Variants in MACF1 observed in about 807,000 individuals in gnomAD.
MACF1 encodes microtubule-actin cross-linking factor 1.
MACF1 carries 193 observed loss-of-function variants against 854.8 expected under a neutral mutation model. The ratio of observed to expected loss-of-function variants is 0.23; its 90% confidence interval spans 0.20 to 0.25. The LOEUF (loss-of-function observed/expected upper bound fraction) is 0.25, where lower values mean the gene tolerates loss of function less well. Among genes scored for constraint, MACF1 ranks in the 10% least tolerant of loss-of-function variants. The pLI, the probability that MACF1 is intolerant of heterozygous loss-of-function variation, is 1.00. For missense variants in MACF1, 7,722 were observed against 8,929.1 expected (o/e 0.86, Z 5.45); for synonymous variants, 3,185 against 3,226.7 (o/e 0.99, Z 0.44).
Position 39,373,757 on chromosome 1 carries a change from G to T in MACF1, c.13213+1161G>T, listed in dbSNP as rs141628139. Among the ~76,000 whole-genome samples the T allele has an allele frequency of 6.6e-3, 1,003 of 151,332 alleles. 26 individuals carry two copies. The Middle Eastern group carries it at 0.069, about 10-fold the overall frequency. On this transcript the variant is annotated intron_variant, in intron 52 of 100. Transcript: ENST00000564288. ...AATCCCAGCTATTTGGGAGTCTGAG[G>T]CAAGAGAATGGCTTGAACCCGGGAG...
chr1:39,187,943 CT>C (rs1644198150), intron 2 of MACF1, among the ~76,000 whole-genome samples: 1 of 125,566 alleles, frequency 8.0e-6, no homozygotes, highest in African/African-American at 2.9e-5. Context: ...TTTCCCTTCC[CT>C]TCCCTTCCCT....
intron 97 of MACF1, among the ~76,000 whole-genome samples, chr1:39,476,834 G>A (rs891017644): frequency 1.3e-5 from 2 of 151,378 alleles, no homozygotes; most frequent in Admixed American, 1.3e-4. Context: ...GATCACGCCT[G>A]TAATCCTAGC....
rs1418126536 is a variant in MACF1 at position 39,444,827 on chromosome 1, G to C, written c.19597G>C (p.Glu6533Gln). 6.2e-7 allele frequency: 1 copy of C among 1,606,112 alleles called. No individual in the cohort carries two copies. Among genetic ancestry groups the C allele is most frequent in the East Asian group, 2.2e-5 (1 of 44,666 alleles). The stretch of plus-strand genomic sequence containing the variant: ...GCATGTGGTCAGCAGTAAGATGGAA[G>C]AAAGAAAGGTACAGTGTATGATCCC... Reference protein sequence around the residue: ...KWHVVSSKMEERKSKLEEALN... With the variant: ...KWHVVSSKMEQRKSKLEEALN... The change falls in exon 80 of 101, where the codon GAA becomes CAA. Residue 6533 changes from glutamate (E) to glutamine (Q), a missense_variant. By Grantham distance (29) the Glu-to-Gln change is conservative. Coordinates refer to ENST00000564288, the MANE Select transcript of MACF1 (RefSeq NM_001394062.1).
At chr1:39,414,033 C>T (rs1643169549) in intron 58 of MACF1, 1 of 1,607,862 alleles carries the variant, frequency 6.2e-7, no homozygotes, top group South Asian at 1.1e-5. Flanking sequence ...AACCCACCTC[C>T]TCAGCAGCTG....
chr1:39,287,474 G>A lies in MACF1; in HGVS notation c.1697G>A (p.Arg566Gln), dbSNP rs374067607. Residue 566 changes from arginine to glutamine, a missense_variant, in exon 15 of 101, where the codon CGG becomes CAG. Transcript: ENST00000564288. Reference sequence around the variant, plus strand: ...TCCTGGTTCCGAAAGCCTATGACTCGGGCTGAACTTGTGGCCATCAGCTCC... The same window carrying A: ...TCCTGGTTCCGAAAGCCTATGACTCAGGCTGAACTTGTGGCCATCAGCTCC... Reference protein sequence around the residue: ...STSWFRKPMTRAELVAISSSE... With the variant: ...STSWFRKPMTQAELVAISSSE... 1.8e-5 allele frequency: 29 copies of A among 1,613,980 alleles called. No homozygotes were observed. The highest frequency in any genetic ancestry group is 2.1e-5 in the Non-Finnish European group (25 of 1,180,036).
intron 70 of MACF1, among the ~76,000 whole-genome samples, chr1:39,437,349 C>T (rs570784688): frequency 4.7e-5 from 7 of 149,066 alleles, no homozygotes; most frequent in East Asian, 2.0e-4. Flanking sequence ...CTTACTCTGT[C>T]GCCCAGGCTG....
rs1466197344 is a variant in MACF1 at position 39,105,888 on chromosome 1, A to G, written c.220+21450A>G. On this transcript the variant is annotated intron_variant, in intron 2 of 93. Coordinates refer to the MACF1 transcript ENST00000361689. The surrounding 1 kb of genome is among the most constrained non-coding windows in gnomAD (Gnocchi z 5.9). ...GGGCCAGTTTATTTACAGAGTTGAGATAAGCCTTCGGAAACCGCCCCCGGG... is the reference window on the plus strand; with the variant it reads ...GGGCCAGTTTATTTACAGAGTTGAGGTAAGCCTTCGGAAACCGCCCCCGGG... 6.6e-6 allele frequency among the ~76,000 whole-genome samples: 1 copy of G among 151,134 alleles called. No individual in the cohort carries two copies. The highest frequency in any genetic ancestry group is 1.5e-5 in the Non-Finnish European group (1 of 67,704).
chr1:39,091,107 A>G (rs1641791349), intron 2 of MACF1, among the ~76,000 whole-genome samples: 1 of 152,186 alleles, frequency 6.6e-6, no homozygotes, highest in Non-Finnish European at 1.5e-5. Context: ...TTGAAGGGTG[A>G]TGATTATGAG....
chr1:39,439,241 T>C, intron 71 of MACF1, 33 bp from the exon 72 acceptor site: 1 of 1,349,356 alleles, frequency 7.4e-7, no homozygotes, highest in Non-Finnish European at 1.1e-6. Flanking sequence ...CTTCAGAAAG[T>C]CCTATTCATA....
Position 39,358,825 on chromosome 1 carries a change from T to C in MACF1, c.12072T>C (p.Thr4024=). The change falls in exon 46 of 101, where the codon ACT becomes ACC. Residue 4024 remains threonine (T), a synonymous_variant. Transcript: ENST00000564288. ...ACGTGGAGAAGCTCCTCTCAGATAC[T>C]GTTGCCTCTGACCCTGGAGTTCTCC... The part of the protein sequence containing the change: ...EANVEKLLSD[T]VASDPGVLQE... The C allele has an allele frequency of 6.2e-7, 1 of 1,613,096 alleles. No homozygotes were observed. Among genetic ancestry groups the C allele is most frequent in the Non-Finnish European group, 8.5e-7 (1 of 1,179,792 alleles).
chr1:39,107,666 C>T (rs1642282514), intron 2 of MACF1, among the ~76,000 whole-genome samples: 1 of 152,116 alleles, frequency 6.6e-6, no homozygotes, highest in Non-Finnish European at 1.5e-5. Flanking sequence ...AACAGTTTGT[C>T]TAAGCAGAGG....
In MACF1 at chr1:39,333,942, G is replaced by GA. The variant is rs1646770291; in HGVS notation, c.7360dup (p.Thr2454AsnfsTer3). ...GAAAGCTTCCAAAGGTAGAGATGCTGAAAAAACAGTTAGGGAGAGATTAAT... is the reference window on the plus strand; with the variant it reads ...GAAAGCTTCCAAAGGTAGAGATGCTGAAAAAAACAGTTAGGGAGAGATTAAT... On this transcript the variant is annotated frameshift_variant, in exon 37 of 101. Coordinates refer to ENST00000564288, the MANE Select transcript of MACF1 (RefSeq NM_001394062.1). LOFTEE classifies it high-confidence loss of function. The GA allele has an allele frequency of 1.2e-6, 2 of 1,613,872 alleles. No homozygotes were observed. Among genetic ancestry groups the GA allele is most frequent in the Non-Finnish European group, 1.7e-6 (2 of 1,179,994 alleles).
At chr1:39,247,886 G>A (rs1645000246) in intron 2 of MACF1, among the ~76,000 whole-genome samples, 1 of 152,156 alleles carries the variant, frequency 6.6e-6, no homozygotes, top group Non-Finnish European at 1.5e-5. Context: ...GCTGATTGTG[G>A]TGGTGCGCAC....
Position 39,105,680 on chromosome 1 carries a change from C to T in MACF1, c.220+21242C>T. The T allele has an allele frequency of 1.6e-6, 2 of 1,234,798 alleles. No homozygotes were observed. The highest frequency in any genetic ancestry group is 1.3e-5 in the South Asian group (1 of 75,310). The allele number at this position is 1,234,798 out of a possible 1,614,324, so 76.5% of individuals were successfully genotyped here. On this transcript the variant is annotated intron_variant, in intron 2 of 93. Coordinates refer to the MACF1 transcript ENST00000361689. The surrounding 1 kb of genome is among the most constrained non-coding windows in gnomAD (Gnocchi z 5.9). ...CCAACCGCAGCCAGGAGAAGGAGTT[C>T]GTGCAGGCGTACGAGGATGTGCTGG...
intron 52 of MACF1, among the ~76,000 whole-genome samples, chr1:39,375,550 C>T (rs544045715): frequency 6.6e-6 from 1 of 152,306 alleles, no homozygotes; most frequent in East Asian, 1.9e-4. Flanking sequence ...ATCCACCTGC[C>T]TTGGCCTCCC....
chr1:39,099,365 C>G (rs1033812618), intron 2 of MACF1, among the ~76,000 whole-genome samples: 1 of 152,206 alleles, frequency 6.6e-6, no homozygotes, highest in Non-Finnish European at 1.5e-5. Flanking sequence ...CCATATTGGT[C>G]AGGCTGGCCT....
chr1:39,254,219 C>A, intron 4 of MACF1, 79 bp from the exon 5 acceptor site: 1 of 1,214,730 alleles, frequency 8.2e-7, no homozygotes, highest in Non-Finnish European at 1.2e-6. Context: ...GTCCTTTAGT[C>A]CTGGAAATAA....
Position 39,322,707 on chromosome 1 carries a change from A to G in MACF1, c.4129A>G (p.Thr1377Ala), listed in dbSNP as rs762934196. 6 of 1,613,790 alleles carry G rather than the reference A, an allele frequency of 3.7e-6. No homozygotes were observed. Among genetic ancestry groups the G allele is most frequent in the Non-Finnish European group, 2.5e-6 (3 of 1,179,878 alleles). Residue 1377 changes from threonine (T) to alanine (A), a missense_variant, in exon 32 of 101, where the codon ACT becomes GCT. Coordinates refer to ENST00000564288, the MANE Select transcript of MACF1 (RefSeq NM_001394062.1). The stretch of plus-strand genomic sequence containing the variant: ...CATGCTTTCCTCTTCAGATGCCATC[A>G]CTCAAGAGGTGAGAGGGTGGGGGAA... ...RRMLSSSDAI[T>A]QEFMDLRTRY...
rs1274457504 is a variant in MACF1 at position 39,334,761 on chromosome 1, CA to C, written c.8174del (p.Gln2725ArgfsTer3). On this transcript the variant is annotated frameshift_variant, in exon 37 of 101. Coordinates refer to ENST00000564288, the MANE Select transcript of MACF1 (RefSeq NM_001394062.1). LOFTEE classifies it high-confidence loss of function. The part of the protein sequence containing the change: ...ENMVRIIASH[Q>X]VLNGGIVDIF... ...CATGGTCAGAATTATTGCATCTCAT[CA>C]GGTGTTAAATGGAGGAATTGTTGAC... 3.7e-6 allele frequency: 6 copies of C among 1,613,986 alleles called. No homozygotes were observed. In the South Asian group the frequency reaches 6.6e-5, roughly 18 times the overall value.
Sources: allele counts gnomAD v4.1 joint callset (sites outside exome capture counted in the v4.1 genomes callset), GRCh38; gene constraint gnomAD v4.1.1; non-coding constraint Gnocchi (gnomAD v3.1); transcripts MANE v1.5; gene names NCBI Gene and HGNC (gene_info 2026-07-23, HGNC 2026-07-21).